Variants in CAMK2B observed in about 807,000 individuals in gnomAD.
CAMK2B encodes the protein calcium/calmodulin-dependent protein kinase type II subunit beta.
A neutral mutation model predicts 93.7 loss-of-function variants in CAMK2B; 27 were observed. The ratio of observed to expected loss-of-function variants is 0.29; its 90% CI spans 0.21 to 0.40. The LOEUF (loss-of-function observed/expected upper bound fraction) is 0.40. Among genes scored for constraint, CAMK2B ranks in the 10% least tolerant of loss-of-function variants. The pLI, the probability that CAMK2B is intolerant of heterozygous loss-of-function variation, is 1.00. For synonymous variants in CAMK2B, 374 were observed against 358.8 expected (o/e 1.04, Z -0.48); for missense variants, 568 against 895.8 (o/e 0.63, Z 4.67).
chr7:44,221,899 CAT>C (rs774316732), intron 20 of CAMK2B, among the ~76,000 whole-genome samples: 4 of 152,220 alleles, frequency 2.6e-5, no homozygotes, highest in Non-Finnish European at 5.9e-5. Flanking sequence ...CAAATCTTAA[CAT>C]TTTCCTATTT....
At chr7:44,238,099 C>T (rs886656977) in intron 13 of CAMK2B, among the ~76,000 whole-genome samples, 1 of 152,264 alleles carries the variant, frequency 6.6e-6, no homozygotes, top group Non-Finnish European at 1.5e-5. Context: ...GCTCCATGCT[C>T]ACTGCCGTGT....
chr7:44,248,315 G>A lies in CAMK2B; in HGVS notation c.342-1123C>T, dbSNP rs1229067698. ...CTCTCAGGCCACCTCCCTGACACCT[G>A]TCCTAGAGCACATCAGACCCAGGGC... On this transcript the variant is annotated intron_variant, in intron 5 of 23. Transcript: ENST00000395749. The surrounding 1 kb of genome is among the most constrained non-coding windows in gnomAD (Gnocchi z 4.1). 6.6e-6 allele frequency among the ~76,000 whole-genome samples: 1 copy of A among 152,144 alleles called. No individual in the cohort carries two copies. Among genetic ancestry groups the A allele is most frequent in the Non-Finnish European group, 1.5e-5 (1 of 68,016 alleles).
chr7:44,227,864 G>A (rs1308640902), intron 19 of CAMK2B, among the ~76,000 whole-genome samples: 13 of 124,358 alleles, frequency 1.0e-4, no homozygotes, highest in African/African-American at 3.6e-4. Context: ...AGGGAAAGAG[G>A]GGAATTTGGG....
At chr7:44,230,915 G>A in intron 17 of CAMK2B, 91 bp downstream of exon 17, 2 of 1,096,154 alleles carry the variant, frequency 1.8e-6, no homozygotes, top group Non-Finnish European at 2.7e-6. Flanking sequence ...GGCGTCGCAG[G>A]AGAGTTGACC....
At chr7:44,289,107 G>GC (rs974291991) in intron 1 of CAMK2B, among the ~76,000 whole-genome samples, 2 of 151,988 alleles carry the variant, frequency 1.3e-5, no homozygotes, top group Admixed American at 6.6e-5. Context: ...GCTCTGAGCT[G>GC]CCCCCCCAAC....
In CAMK2B at chr7:44,225,834, CCA is replaced by C; in HGVS notation, c.1597+680_1597+681del. ...CTCTAAGAGTATCTCCACACCACCC[CCA>C]GTCTGGTGTCTCCCCACAGGTGGGG... On this transcript the variant is annotated intron_variant, in intron 20 of 23. Coordinates refer to ENST00000395749, the MANE Select transcript of CAMK2B (RefSeq NM_001220.5). The surrounding 1 kb of genome is among the most constrained non-coding windows in gnomAD (Gnocchi z 5.0). 1 of 1,289,418 alleles carries C rather than the reference CCA, an allele frequency of 7.8e-7. No homozygotes were observed. The highest frequency in any genetic ancestry group is 1.2e-5 in the South Asian group (1 of 81,034). The allele number at this position is 1,289,418 out of a possible 1,614,324, so 79.9% of individuals were successfully genotyped here.
chr7:44,321,681 G>A (rs1276091625), intron 1 of CAMK2B, among the ~76,000 whole-genome samples: 1 of 152,204 alleles, frequency 6.6e-6, no homozygotes, highest in Admixed American at 6.5e-5. Flanking sequence ...CCCCTGAAAT[G>A]AAATCCAAAA....
At chr7:44,296,152 G>T (rs1276713373) in intron 1 of CAMK2B, among the ~76,000 whole-genome samples, 2 of 152,160 alleles carry the variant, frequency 1.3e-5, no homozygotes, top group African/African-American at 4.8e-5. Flanking sequence ...CATGGCTTTT[G>T]GGAACTATCA....
chr7:44,220,689 C>T lies in CAMK2B; in HGVS notation c.1695G>A (p.Leu565=). The T allele has an allele frequency of 8.7e-6, 14 of 1,613,132 alleles. No individual in the cohort carries two copies. The highest frequency in any genetic ancestry group is 1.1e-5 in the Non-Finnish European group (13 of 1,179,734). ...EAYAKICDPG[L]TSFEPEALGN... is the part of the protein sequence containing the mutation. ...CCAGTGCTTCAGGCTCAAACGAGGT[C>T]AGCCCTGGGTCACAGATTTTCCTGG... Residue 565 remains leucine, a synonymous_variant, in exon 22 of 24, where the codon CTG becomes CTA. Transcript: ENST00000395749.
At chr7:44,235,398 T>A (rs1208671460) in intron 13 of CAMK2B, among the ~76,000 whole-genome samples, 5 of 152,172 alleles carry the variant, frequency 3.3e-5, no homozygotes, top group Admixed American at 2.6e-4. Context: ...GGCCCCTGCC[T>A]CACCCAGCAT....
intron 3 of CAMK2B, among the ~76,000 whole-genome samples, 197 bp from the exon 4 acceptor site, chr7:44,259,123 C>T (rs2096858739): frequency 6.6e-6 from 1 of 152,166 alleles, no homozygotes. Flanking sequence ...GCCAGCTGGC[C>T]ACCCAGCGAG....
At chr7:44,229,564 GAGA>G (rs750824498) in intron 17 of CAMK2B, 63 bp from the exon 18 acceptor site, 37 of 696,362 alleles carry the variant, frequency 5.3e-5, no homozygotes, top group Non-Finnish European at 7.6e-5. Flanking sequence ...AAGGCAACTG[GAGA>G]AGGACAGGGG....
rs771723663 is a variant in CAMK2B at position 44,241,682 on chromosome 7, TA to T, written c.903+17del. ...AGAGAAGCATGGCCGTGCCTGGGAC[TA>T]GGGGCCAGGGCCTCACCTTGAGCTT... is the stretch of plus-strand genomic sequence containing the variant. On this transcript the variant is annotated intron_variant, in intron 11 of 23. Coordinates refer to ENST00000395749, the MANE Select transcript of CAMK2B (RefSeq NM_001220.5). 5.6e-5 allele frequency: 90 copies of T among 1,602,544 alleles called. No homozygotes were observed. Among genetic ancestry groups the T allele is most frequent in the Middle Eastern group, 1.6e-4 (1 of 6,066 alleles).
intron 4 of CAMK2B, among the ~76,000 whole-genome samples, chr7:44,255,190 C>G (rs149915649): frequency 6.6e-6 from 1 of 152,288 alleles, no homozygotes; most frequent in African/African-American, 2.4e-5. Context: ...GGTCCCATCT[C>G]TAGGAAGAGA....
In CAMK2B at chr7:44,325,457, CG is replaced by C. The variant is rs575744101; in HGVS notation, c.-37del. ...GACGGGCTCGGCGTGCGCTCGGCTG[CG>C]CTCGGGCGGCGGCGACTCCGGCTCC... On this transcript the variant is annotated 5_prime_UTR_variant, in exon 1 of 24. Transcript: ENST00000395749. 6.3e-4 allele frequency: 664 copies of C among 1,051,048 alleles called. 7 individuals are homozygous for C. The African/African-American group carries it at 0.011, about 17-fold the overall frequency. The allele number at this position is 1,051,048 out of a possible 1,614,324, so 65.1% of individuals were successfully genotyped here.
In CAMK2B at chr7:44,263,195, A is replaced by G. The variant is rs528294405; in HGVS notation, c.161-131T>C. On this transcript the variant is annotated intron_variant, in intron 2 of 23. Transcript: ENST00000395749. ...GAGAGGAGTGGTTGTGCCCCCACCAAGGGAACACCCTTCGTGGCACCCCCT... is the reference window on the plus strand; with the variant it reads ...GAGAGGAGTGGTTGTGCCCCCACCAGGGGAACACCCTTCGTGGCACCCCCT... 90 of 766,824 alleles carry G rather than the reference A, an allele frequency of 1.2e-4. No individual in the cohort carries two copies. In the African/African-American group the frequency reaches 1.4e-3, roughly 12 times the overall value. 47.5% of individuals were successfully genotyped at this position (766,824 alleles called of 1,614,324 possible).
At chr7:44,276,593 C>A (rs2097046636) in intron 2 of CAMK2B, among the ~76,000 whole-genome samples, 1 of 152,172 alleles carries the variant, frequency 6.6e-6, no homozygotes. Flanking sequence ...GAGTGTCCCC[C>A]CAAGACAGAA....
intron 14 of CAMK2B, 40 bp from the exon 15 acceptor site, chr7:44,234,501 C>A: frequency 6.4e-7 from 1 of 1,573,876 alleles, no homozygotes; most frequent in South Asian, 1.2e-5. Context: ...GTGGGAGAAG[C>A]CCCTCACTCG....
chr7:44,232,926 C>A, intron 15 of CAMK2B, 60 bp from the exon 16 acceptor site: 3 of 1,475,350 alleles, frequency 2.0e-6, no homozygotes, highest in Non-Finnish European at 2.8e-6. Flanking sequence ...GAGGAGGAAG[C>A]GGAGACCACC....
Sources: allele counts gnomAD v4.1 joint callset (sites outside exome capture counted in the v4.1 genomes callset), GRCh38; gene constraint gnomAD v4.1.1; non-coding constraint Gnocchi (gnomAD v3.1); transcripts MANE v1.5; gene names NCBI Gene and HGNC (gene_info 2026-07-23, HGNC 2026-07-21).